AFAP1: variants seen among roughly 807,000 people sequenced by gnomAD.
AFAP1 encodes actin filament associated protein 1.
A neutral mutation model predicts 93.9 loss-of-function variants in AFAP1; 75 were observed. The ratio of observed to expected loss-of-function variants is 0.80; its 90% CI spans 0.66 to 0.97. The LOEUF is 0.97. AFAP1 is among the 50% of genes least tolerant of loss of function. The pLI, the probability that AFAP1 is intolerant of heterozygous loss-of-function variation, is 0.00. For missense variants in AFAP1, 1,201 were observed against 1,050.8 expected (o/e 1.14, Z -1.98); for synonymous variants, 517 against 430.7 (o/e 1.20, Z -2.48).
In AFAP1 at chr4:7,930,613, G is replaced by A. The variant is rs543682834; in HGVS notation, c.-3+9043C>T. 3.5e-4 allele frequency among the ~76,000 whole-genome samples: 53 copies of A among 152,272 alleles called. 1 individual carries two copies. Among genetic ancestry groups the A allele is most frequent in the African/African-American group, 6.7e-4 (28 of 41,538 alleles). On this transcript the variant is annotated intron_variant, in intron 1 of 17. Transcript: ENST00000420658. The stretch of plus-strand genomic sequence containing the variant: ...GATTCCAAAAGTCTTAGAAGCTCTT[G>A]TGTCAGGAATTGAAACCTAAGACCA...
At chr4:7,890,415 A>G (rs958925513) in intron 1 of AFAP1, among the ~76,000 whole-genome samples, 1 of 152,244 alleles carries the variant, frequency 6.6e-6, no homozygotes, top group Non-Finnish European at 1.5e-5. Context: ...AGATAAAACT[A>G]TAAGACGTCT....
chr4:7,867,378 T>C (rs1716542421), intron 3 of AFAP1, among the ~76,000 whole-genome samples: 1 of 152,152 alleles, frequency 6.6e-6, no homozygotes, highest in African/African-American at 2.4e-5. Context: ...CCCCAAATCA[T>C]ATGAGGAGCC....
At chr4:7,809,499 A>G (rs890333904) in intron 9 of AFAP1, 115 bp downstream of exon 9, 5 of 1,274,788 alleles carry the variant, frequency 3.9e-6, no homozygotes, top group African/African-American at 3.0e-5. Flanking sequence ...TCCAAGTCCA[A>G]TGCAAAAGAG....
chr4:7,901,262 T>C (rs561597468), intron 1 of AFAP1, among the ~76,000 whole-genome samples: 1 of 152,156 alleles, frequency 6.6e-6, no homozygotes, highest in African/African-American at 2.4e-5. Flanking sequence ...AAGCCAAGGG[T>C]GCCTATTGCA....
At chr4:7,832,624 G>A (rs4478189) in intron 6 of AFAP1, among the ~76,000 whole-genome samples, 105,413 of 150,320 alleles carry the variant, frequency 0.7, 37,894 homozygotes, top group African/African-American at 0.86. Flanking sequence ...CAAGATAACC[G>A]TCACTCTTCA....
At chr4:7,823,129 T>C (rs1355929592) in intron 6 of AFAP1, among the ~76,000 whole-genome samples, 2 of 151,958 alleles carry the variant, frequency 1.3e-5, no homozygotes, top group Non-Finnish European at 2.9e-5. Flanking sequence ...GGGCTCCCCC[T>C]CCACACATGC....
chr4:7,818,483 G>T (rs146133759), intron 7 of AFAP1, among the ~76,000 whole-genome samples: 1 of 152,188 alleles, frequency 6.6e-6, no homozygotes, highest in Non-Finnish European at 1.5e-5. Context: ...CCAACAGAAG[G>T]TTTCATGGCA....
chr4:7,848,636 G>A (rs1714087598), intron 4 of AFAP1, among the ~76,000 whole-genome samples: 1 of 151,990 alleles, frequency 6.6e-6, no homozygotes, highest in South Asian at 2.1e-4. Context: ...TGCCTACACT[G>A]AGGGTGGGTC....
At chr4:7,827,757 A>C (rs1431653318) in intron 6 of AFAP1, among the ~76,000 whole-genome samples, 1 of 151,692 alleles carries the variant, frequency 6.6e-6, no homozygotes, top group Non-Finnish European at 1.5e-5. Context: ...TGAAAACCAG[A>C]TGTGGAGAAC....
chr4:7,781,665 A>G (rs1199595737), intron 12 of AFAP1, 38 bp from the exon 13 acceptor site: 1 of 1,546,286 alleles, frequency 6.5e-7, no homozygotes, highest in South Asian at 1.2e-5. Context: ...TGACTTGGAC[A>G]CAGGAAACAG....
chr4:7,856,393 C>G (rs1335663877), intron 3 of AFAP1, among the ~76,000 whole-genome samples: 3 of 152,106 alleles, frequency 2.0e-5, no homozygotes, highest in Admixed American at 1.3e-4. Flanking sequence ...CAGGCGCCCA[C>G]CACCACACCC....
In AFAP1 at chr4:7,822,840, G is replaced by A. The variant is rs1410411149; in HGVS notation, c.727-3669C>T. Among the ~76,000 whole-genome samples, 10 of 150,318 alleles carry A rather than the reference G, an allele frequency of 6.7e-5. No homozygotes were observed. In the East Asian group the frequency reaches 7.8e-4, roughly 12 times the overall value. ...GAACTCCGGACCTTGTGATCCGCCC[G>A]CATCGGCCTCCCAAAGTGCTGGGAT... On this transcript the variant is annotated intron_variant, in intron 6 of 17. Coordinates refer to ENST00000420658, the MANE Select transcript of AFAP1 (RefSeq NM_001134647.2).
chr4:7,898,088 T>C (rs1440499638), intron 1 of AFAP1, among the ~76,000 whole-genome samples: 1 of 152,128 alleles, frequency 6.6e-6, no homozygotes, highest in Non-Finnish European at 1.5e-5. Context: ...AGGTCCAGCC[T>C]TCATCATAGT....
At position 7,760,608 on chromosome 4, in the gene AFAP1, A is replaced by C. The variant is rs1397939044; in HGVS notation, c.*3157T>G. On this transcript the variant is annotated 3_prime_UTR_variant, in exon 18 of 18. Transcript: ENST00000420658. Reference sequence around the variant, plus strand: ...CATCGCCCATGCCTGTGCCCAGGTCAGGGGGACAAAGGGAGCCCTCGAATC... The same window carrying C: ...CATCGCCCATGCCTGTGCCCAGGTCCGGGGGACAAAGGGAGCCCTCGAATC... The C allele has an allele frequency of 6.6e-6, 1 of 152,218 alleles. No homozygotes were observed. The highest frequency in any genetic ancestry group is 1.9e-4 in the East Asian group (1 of 5,206). The allele number at this position is 152,218 out of a possible 1,614,324, so 9.4% of individuals were successfully genotyped here.
At chr4:7,799,979 A>C (rs1034208178) in intron 10 of AFAP1, among the ~76,000 whole-genome samples, 1 of 152,180 alleles carries the variant, frequency 6.6e-6, no homozygotes, top group African/African-American at 2.4e-5. Flanking sequence ...AGATGGCCCC[A>C]AAAAGTCTTC....
intron 1 of AFAP1, among the ~76,000 whole-genome samples, chr4:7,899,395 G>A (rs752558940): frequency 6.6e-6 from 1 of 152,152 alleles, no homozygotes; most frequent in Non-Finnish European, 1.5e-5. Flanking sequence ...GTTAAGAACC[G>A]TTTGTCAGTC....
chr4:7,937,336 T>G (rs1448910225), intron 1 of AFAP1, among the ~76,000 whole-genome samples: 1 of 152,246 alleles, frequency 6.6e-6, no homozygotes, highest in East Asian at 1.9e-4. Context: ...AGAATTTTTC[T>G]CTACTATATT....
chr4:7,825,955 A>T (rs543948559), intron 6 of AFAP1, among the ~76,000 whole-genome samples: 4 of 80,862 alleles, frequency 4.9e-5, no homozygotes, highest in East Asian at 4.4e-3. Context: ...GGATATGCTT[A>T]AAAAAAAAAA....
intron 17 of AFAP1, among the ~76,000 whole-genome samples, chr4:7,765,148 C>T (rs113693589): frequency 3.3e-5 from 5 of 152,228 alleles, no homozygotes; most frequent in African/African-American, 9.6e-5. Flanking sequence ...TAATGACTTG[C>T]CTTAGGTCCA....
Sources: gnomAD v4.1 joint callset for allele counts (sites outside exome capture counted in the v4.1 genomes callset) on GRCh38, gnomAD v4.1.1 for gene constraint, MANE v1.5 for transcripts, NCBI Gene and HGNC (gene_info 2026-07-23, HGNC 2026-07-21) for gene names.